Variants in VPS26C observed in about 807,000 individuals in gnomAD.
The protein encoded by VPS26C is VPS26 endosomal protein sorting factor C.
Under a neutral mutation model 30.6 loss-of-function variants are expected in VPS26C, and 19 were observed. The ratio of observed to expected loss-of-function variants is 0.62; its 90% CI spans 0.43 to 0.91. The LOEUF is 0.91. VPS26C is among the 40% of genes least tolerant of loss of function. The pLI, the probability that VPS26C is intolerant of heterozygous loss-of-function variation, is 0.00. For synonymous variants in VPS26C, 132 were observed against 151.5 expected (o/e 0.87, Z 0.95); for missense variants, 318 against 385.1 (o/e 0.83, Z 1.46).
chr21:37,227,617 A>G (rs371790309), intron 7 of VPS26C, 37 bp downstream of exon 7: 48 of 1,519,866 alleles, frequency 3.2e-5, no homozygotes, highest in Non-Finnish European at 4.2e-5. Flanking sequence ...GGCCCTTCCC[A>G]TGGGCCCATG....
intron 1 of VPS26C, among the ~76,000 whole-genome samples, chr21:37,264,139 AGT>A: frequency 6.6e-6 from 1 of 152,392 alleles, no homozygotes; most frequent in South Asian, 2.1e-4. Flanking sequence ...TTGATTAATT[AGT>A]TTAATAACTT....
At chr21:37,267,923 A>T (rs2086388358), upstream of VPS26C, 1 of 153,090 alleles carries the variant, frequency 6.5e-6, no homozygotes, top group Non-Finnish European at 1.5e-5. Flanking sequence ...TTCCCGCGGG[A>T]GCGGTTCCGG....
Position 37,225,445 on chromosome 21 carries a change from A to C in VPS26C, c.*99T>G. On this transcript the variant is annotated 3_prime_UTR_variant, in exon 8 of 8. Transcript: ENST00000309117. ...ATTTCTGATACAGAATAATCACAAA[A>C]ACAAGTATATGCCGCTGGCTGTAGC... 3 of 1,006,750 alleles carry C rather than the reference A, an allele frequency of 3.0e-6. No homozygotes were observed. Among genetic ancestry groups the C allele is most frequent in the Non-Finnish European group, 3.1e-6 (2 of 643,738 alleles). 62.4% of individuals were successfully genotyped at this position (1,006,750 alleles called of 1,614,324 possible). A position where few individuals can be genotyped will look rare whatever the true frequency, so the allele number is the denominator to read the frequency against.
intron 5 of VPS26C, chr21:37,232,111 G>A: frequency 2.2e-6 from 1 of 452,824 alleles, no homozygotes; most frequent in Non-Finnish European, 4.0e-6. Context: ...GGGGGCCCAT[G>A]ATGCAGTAAA....
chr21:37,264,341 T>C (rs368689493), intron 1 of VPS26C, among the ~76,000 whole-genome samples: 23 of 152,264 alleles, frequency 1.5e-4, no homozygotes, highest in African/African-American at 5.5e-4. Flanking sequence ...CACCAGGAGA[T>C]GTAGTCTAAG....
chr21:37,233,565 A>C lies in VPS26C; in HGVS notation c.352-123T>G, dbSNP rs1019079359. ...GGAAATGTTGTACAATCAGTGCATT[A>C]TAGAAAATTAACATACATAATATAA... On this transcript the variant is annotated intron_variant, in intron 3 of 7. Coordinates refer to ENST00000309117, the MANE Select transcript of VPS26C (RefSeq NM_006052.2). The surrounding 1 kb of genome is among the most constrained non-coding windows in gnomAD (Gnocchi z 5.2). The C allele has an allele frequency of 1.5e-6, 1 of 671,310 alleles. No individual in the cohort carries two copies. Among genetic ancestry groups the C allele is most frequent in the African/African-American group, 1.8e-5 (1 of 55,468 alleles). 41.6% of individuals were successfully genotyped at this position (671,310 alleles called of 1,614,324 possible). A position where few individuals can be genotyped will look rare whatever the true frequency, so the allele number is the denominator to read the frequency against.
chr21:37,230,696 C>T (rs1218778330), intron 5 of VPS26C: 1 of 152,320 alleles, frequency 6.6e-6, no homozygotes, highest in Non-Finnish European at 1.5e-5. Context: ...TTCTGTCCGG[C>T]AGAAAGTGGA....
intron 1 of VPS26C, among the ~76,000 whole-genome samples, chr21:37,255,675 C>T (rs755400542): frequency 1.8e-4 from 28 of 152,108 alleles, no homozygotes; most frequent in Non-Finnish European, 3.4e-4. Context: ...GTCTCCAGAG[C>T]CCACCAGCTT....
At chr21:37,267,441 C>G, upstream of VPS26C, 2 of 637,768 alleles carry the variant, frequency 3.1e-6, no homozygotes, top group Non-Finnish European at 5.3e-6. Context: ...CGCACACACT[C>G]CCTAGCTCCG....
At chr21:37,251,849 A>C (rs1024816975) in intron 1 of VPS26C, among the ~76,000 whole-genome samples, 13 of 152,220 alleles carry the variant, frequency 8.5e-5, no homozygotes, top group Non-Finnish European at 1.9e-4. Flanking sequence ...ATTGTGTGTT[A>C]AAAAGTCACA....
At chr21:37,245,591 C>G (rs1453781730) in intron 1 of VPS26C, among the ~76,000 whole-genome samples, 6 of 152,174 alleles carry the variant, frequency 3.9e-5, no homozygotes. Context: ...CAAAATAAGA[C>G]AAAAGTGCCT....
chr21:37,234,985 G>A (rs1200161426), intron 3 of VPS26C, among the ~76,000 whole-genome samples: 1 of 3,668 alleles, frequency 2.7e-4, no homozygotes, highest in Non-Finnish European at 5.7e-4. Flanking sequence ...TGGAATTACA[G>A]GGGCCGCGCC....
intron 3 of VPS26C, 89 bp downstream of exon 3, chr21:37,238,371 G>C: frequency 6.9e-7 from 1 of 1,450,726 alleles, no homozygotes. Flanking sequence ...TAAATTCTTG[G>C]GCCCGTCTAC....
rs2085901143 is a variant in VPS26C at position 37,226,514 on chromosome 21, C to T, written c.812-888G>A. 1 of 152,342 alleles carries T rather than the reference C, an allele frequency of 6.6e-6. No individual in the cohort carries two copies. The highest frequency in any genetic ancestry group is 1.5e-5 in the Non-Finnish European group (1 of 68,128). 9.4% of individuals were successfully genotyped at this position (152,342 alleles called of 1,614,324 possible). On this transcript the variant is annotated intron_variant, in intron 7 of 7. Transcript: ENST00000309117. The surrounding 1 kb of genome is among the most constrained non-coding windows in gnomAD (Gnocchi z 4.1). ...GTCCTCTGGGCACTTCCTGCCACCACTCCCTTCAATGGGTTCTCCACCCCT... is the reference window on the plus strand; with the variant it reads ...GTCCTCTGGGCACTTCCTGCCACCATTCCCTTCAATGGGTTCTCCACCCCT...
At chr21:37,256,780 T>C (rs535520049) in intron 1 of VPS26C, among the ~76,000 whole-genome samples, 6 of 152,346 alleles carry the variant, frequency 3.9e-5, no homozygotes, top group Middle Eastern at 3.4e-3. Flanking sequence ...TTTACAAAAA[T>C]TACATCTTTA....
intron 1 of VPS26C, among the ~76,000 whole-genome samples, chr21:37,254,110 C>G (rs887729330): frequency 1.3e-5 from 2 of 152,080 alleles, no homozygotes; most frequent in African/African-American, 2.4e-5. Context: ...AAGTAATGAC[C>G]GTGGAACACA....
chr21:37,252,296 C>T (rs371726268), intron 1 of VPS26C, among the ~76,000 whole-genome samples: 1 of 152,158 alleles, frequency 6.6e-6, no homozygotes, highest in Admixed American at 6.6e-5. Flanking sequence ...AAATCAGAAA[C>T]ATTAAAGAGA....
chr21:37,225,632 A>G lies in VPS26C; in HGVS notation c.812-6T>C, dbSNP rs1314430868. The G allele has an allele frequency of 1.2e-6, 2 of 1,612,418 alleles. No individual in the cohort carries two copies. Among genetic ancestry groups the G allele is most frequent in the African/African-American group, 2.7e-5 (2 of 74,890 alleles). On this transcript the variant is annotated splice_region_variant and splice_polypyrimidine_tract_variant and intron_variant, in intron 7 of 7. Coordinates refer to ENST00000309117, the MANE Select transcript of VPS26C (RefSeq NM_006052.2). ...CACGATGTTAACCTCAAATTCTGAG[A>G]AGAGAAGAGAGGGTGGGTTTGTGCT...
intron 7 of VPS26C, chr21:37,227,130 C>T (rs967063577): frequency 6.5e-6 from 1 of 153,260 alleles, no homozygotes; most frequent in Admixed American, 6.5e-5. Context: ...GGCTCAAGGC[C>T]TTCCTGCTTC....
Sources: allele counts gnomAD v4.1 joint callset (sites outside exome capture counted in the v4.1 genomes callset), GRCh38; gene constraint gnomAD v4.1.1; non-coding constraint Gnocchi (gnomAD v3.1); transcripts MANE v1.5; gene names NCBI Gene and HGNC (gene_info 2026-07-23, HGNC 2026-07-21).